Variants in RBFOX1 observed in about 807,000 individuals in gnomAD.
RBFOX1 encodes the protein RNA binding fox-1 homolog 1.
RBFOX1 carries 8 observed loss-of-function variants against 57.7 expected under a neutral mutation model. That is an observed-to-expected ratio of 0.14 (90% CI 0.08 to 0.25). The LOEUF is 0.25. Ranked by LOEUF, RBFOX1 falls within the 10% of genes least tolerant of loss-of-function variation. The pLI is 1.00. For missense variants in RBFOX1, 611 were observed against 548.5 expected (o/e 1.11, Z -1.14); for synonymous variants, 326 against 222.4 (o/e 1.47, Z -4.15).
chr16:6,186,408 G>A (rs7188622), intron 1 of RBFOX1, among the ~76,000 whole-genome samples: 65,564 of 152,020 alleles, frequency 0.43, 14,604 homozygotes, highest in East Asian at 0.55. Flanking sequence ...TCCATGCCGA[G>A]GTGTGAGCAC....
intron 3 of RBFOX1, among the ~76,000 whole-genome samples, chr16:5,663,085 G>A (rs894037047): frequency 2.1e-4 from 32 of 152,188 alleles, no homozygotes; most frequent in Admixed American, 1.3e-4. Context: ...TTGCTGACAT[G>A]TGGTAGGTAT....
chr16:6,928,302 A>G (rs567600607), intron 3 of RBFOX1, among the ~76,000 whole-genome samples: 76 of 152,294 alleles, frequency 5.0e-4, no homozygotes, highest in Admixed American at 5.9e-4. Context: ...GAACCATCAG[A>G]TCAGGGACAA....
chr16:7,362,239 G>A (rs1436807493), intron 4 of RBFOX1, among the ~76,000 whole-genome samples: 3 of 150,742 alleles, frequency 2.0e-5, no homozygotes, highest in Non-Finnish European at 4.4e-5. Context: ...TTTTGTGTGT[G>A]TTAGTATATT....
At position 5,978,902 on chromosome 16, in the gene RBFOX1, G is replaced by T. The variant is rs377542500; in HGVS notation, c.351+111567G>T. The stretch of plus-strand genomic sequence containing the variant: ...ATCACGGTGCCCACTTTGGTGGGCT[G>T]AGGGGGTGGCTGCCAGCTTCTCCAT... On this transcript the variant is annotated intron_variant, in intron 4 of 19. Coordinates refer to the RBFOX1 transcript ENST00000641259. 7.7e-4 allele frequency among the ~76,000 whole-genome samples: 117 copies of T among 152,288 alleles called. 1 individual carries two copies. The highest frequency in any genetic ancestry group is 2.7e-3 in the African/African-American group (112 of 41,570).
intron 4 of RBFOX1, among the ~76,000 whole-genome samples, chr16:5,908,899 T>C (rs1458666277): frequency 6.6e-6 from 1 of 151,962 alleles, no homozygotes; most frequent in Non-Finnish European, 1.5e-5. Flanking sequence ...AGAGCTCCTC[T>C]CTGTGTGAGG....
intron 4 of RBFOX1, among the ~76,000 whole-genome samples, chr16:7,292,071 T>G (rs1287610175): frequency 1.3e-5 from 1 of 75,634 alleles, no homozygotes; most frequent in Non-Finnish European, 2.5e-5. Context: ...ATATTATATA[T>G]AGAATATATG....
intron 1 of RBFOX1, among the ~76,000 whole-genome samples, chr16:6,052,600 T>C (rs976063350): frequency 6.6e-6 from 1 of 151,734 alleles, no homozygotes; most frequent in African/African-American, 2.4e-5. Flanking sequence ...CTGGCTAACT[T>C]GGTGAAACTC....
At chr16:5,788,878 A>G (rs2054598463) in intron 3 of RBFOX1, among the ~76,000 whole-genome samples, 1 of 152,144 alleles carries the variant, frequency 6.6e-6, no homozygotes, top group Non-Finnish European at 1.5e-5. Context: ...AGACCTGTGA[A>G]AAGCCCCCAT....
At chr16:7,698,129 C>T (rs1392415204) in intron 14 of RBFOX1, among the ~76,000 whole-genome samples, 3 of 151,938 alleles carry the variant, frequency 2.0e-5, no homozygotes, top group Non-Finnish European at 4.4e-5. Flanking sequence ...ATATGCTAGT[C>T]CCTGAAAACC....
intron 4 of RBFOX1, among the ~76,000 whole-genome samples, chr16:7,340,735 C>T (rs1029394707): frequency 6.6e-6 from 1 of 152,198 alleles, no homozygotes; most frequent in African/African-American, 2.4e-5. Context: ...GACCTCCCAT[C>T]ATTCCAAAGC....
intron 4 of RBFOX1, among the ~76,000 whole-genome samples, chr16:7,383,870 C>A (rs1028727661): frequency 6.6e-6 from 1 of 152,116 alleles, no homozygotes; most frequent in African/African-American, 2.4e-5. Context: ...TCCTGGCTAA[C>A]ATGGTGAAAT....
At chr16:7,470,777 C>T (rs13339568) in intron 4 of RBFOX1, among the ~76,000 whole-genome samples, 54,396 of 151,840 alleles carry the variant, frequency 0.36, 10,542 homozygotes, top group Non-Finnish European at 0.44. Flanking sequence ...TGATTTATGC[C>T]ATTGATCTCA....
chr16:6,625,996 T>A (rs961361521), intron 2 of RBFOX1, among the ~76,000 whole-genome samples: 1 of 152,190 alleles, frequency 6.6e-6, no homozygotes, highest in African/African-American at 2.4e-5. Context: ...CAAAATTGAT[T>A]TATGTGCAAT....
intron 1 of RBFOX1, among the ~76,000 whole-genome samples, chr16:6,096,782 A>T (rs1009328411): frequency 1.3e-5 from 2 of 152,252 alleles, no homozygotes; most frequent in South Asian, 4.1e-4. Flanking sequence ...ACCCTTGATT[A>T]TCTACCCTGT....
At chr16:6,005,575 C>T (rs1343612861) in intron 4 of RBFOX1, among the ~76,000 whole-genome samples, 1 of 152,238 alleles carries the variant, frequency 6.6e-6, no homozygotes, top group East Asian at 1.9e-4. Flanking sequence ...TTGTGGGGCA[C>T]TGCCTCTGTG....
At chr16:6,123,246 C>A (rs765950175) in intron 1 of RBFOX1, among the ~76,000 whole-genome samples, 1 of 152,170 alleles carries the variant, frequency 6.6e-6, no homozygotes, top group African/African-American at 2.4e-5. Context: ...AAGGTGGAAA[C>A]AACCCAAATG....
intron 3 of RBFOX1, among the ~76,000 whole-genome samples, chr16:6,891,891 C>T (rs930894710): frequency 6.6e-6 from 1 of 152,124 alleles, no homozygotes; most frequent in African/African-American, 2.4e-5. Context: ...TAAAACAATC[C>T]CTGCTCATTC....
chr16:6,465,243 AGTGGT>A, intron 2 of RBFOX1, among the ~76,000 whole-genome samples: 1 of 152,160 alleles, frequency 6.6e-6, no homozygotes, highest in Non-Finnish European at 1.5e-5. Context: ...GGAAAAAGAA[AGTGGT>A]GGAGTGAGGT....
chr16:6,932,901 A>G (rs533896817), intron 3 of RBFOX1, among the ~76,000 whole-genome samples: 3 of 152,070 alleles, frequency 2.0e-5, no homozygotes, highest in Non-Finnish European at 2.9e-5. Flanking sequence ...AACTCCCATT[A>G]TGTCTTCCCC....
Sources: gnomAD v4.1 joint callset for allele counts (sites outside exome capture counted in the v4.1 genomes callset) on GRCh38, gnomAD v4.1.1 for gene constraint, MANE v1.5 for transcripts, NCBI Gene and HGNC (gene_info 2026-07-23, HGNC 2026-07-21) for gene names.